PRKCQ: variants seen among roughly 807,000 people sequenced by gnomAD.
PRKCQ encodes protein kinase C theta.
Under a neutral mutation model 91.2 loss-of-function variants are expected in PRKCQ, and 41 were observed. The observed-to-expected ratio is 0.45, with a 90% confidence interval of 0.35 to 0.58. PRKCQ has a LOEUF of 0.58. Among genes scored for constraint, PRKCQ ranks in the 20% least tolerant of loss-of-function variants. PRKCQ has a pLI of 0.00. For synonymous variants in PRKCQ, 307 were observed against 316.9 expected (o/e 0.97, Z 0.33); for missense variants, 673 against 896.5 (o/e 0.75, Z 3.18).
At chr10:6,549,212 A>G (rs1840088743) in intron 1 of PRKCQ, among the ~76,000 whole-genome samples, 1 of 152,186 alleles carries the variant, frequency 6.6e-6, no homozygotes, top group African/African-American at 2.4e-5. Flanking sequence ...GAGGAATCCA[A>G]GTGCCCTGGG....
At chr10:6,573,207 T>A (rs776163777) in intron 1 of PRKCQ, among the ~76,000 whole-genome samples, 8 of 152,192 alleles carry the variant, frequency 5.3e-5, no homozygotes, top group Non-Finnish European at 1.0e-4. Context: ...GTCTTGGAGT[T>A]TGAAAAACTG....
intron 1 of PRKCQ, among the ~76,000 whole-genome samples, chr10:6,520,110 C>T (rs903540167): frequency 1.3e-5 from 2 of 152,144 alleles, no homozygotes; most frequent in Admixed American, 6.5e-5. Context: ...GGGGCTAGGT[C>T]CCCCCATAGA....
At chr10:6,417,336 T>C in the PRKCQ span, among the ~76,000 whole-genome samples, 1 of 152,210 alleles carries the variant, frequency 6.6e-6, no homozygotes, top group Non-Finnish European at 1.5e-5. Flanking sequence ...GTGTCTTTGG[T>C]TGGACACCCA....
intron 15 of PRKCQ, among the ~76,000 whole-genome samples, 180 bp downstream of exon 15, chr10:6,456,494 G>T (rs191871504): frequency 1.3e-5 from 2 of 152,132 alleles, no homozygotes; most frequent in African/African-American, 4.8e-5. Flanking sequence ...TAAAAGTAGC[G>T]CTCCCCACAA....
intron 4 of PRKCQ, among the ~76,000 whole-genome samples, chr10:6,500,705 A>G (rs621685): frequency 0.64 from 96,476 of 151,782 alleles, 32,799 homozygotes; most frequent in Middle Eastern, 0.77. Flanking sequence ...GGTTTTTGCA[A>G]TTTTTTTTCT....
chr10:6,554,620 A>T (rs990883016), intron 1 of PRKCQ, among the ~76,000 whole-genome samples: 1 of 152,192 alleles, frequency 6.6e-6, no homozygotes, highest in Non-Finnish European at 1.5e-5. Context: ...CTTTACAGAA[A>T]ATGAAAATGG....
the PRKCQ span, among the ~76,000 whole-genome samples, chr10:6,410,976 CAA>C: frequency 2.0e-3 from 171 of 87,516 alleles, no homozygotes; most frequent in African/African-American, 6.0e-3. Context: ...GATTCCGTTT[CAA>C]AAAAAAAAAA....
intron 11 of PRKCQ, among the ~76,000 whole-genome samples, chr10:6,480,275 A>G (rs1836523038): frequency 1.3e-5 from 2 of 152,098 alleles, no homozygotes; most frequent in Non-Finnish European, 2.9e-5. Flanking sequence ...AGCTCATCAC[A>G]CTCTGCAAGA....
At chr10:6,477,833 A>C (rs1836354711) in intron 12 of PRKCQ, among the ~76,000 whole-genome samples, 1 of 152,214 alleles carries the variant, frequency 6.6e-6, no homozygotes, top group South Asian at 2.1e-4. Context: ...ACACCATTGC[A>C]CTCCAGCCTG....
chr10:6,439,235 C>T (rs1339284730), intron 16 of PRKCQ, among the ~76,000 whole-genome samples: 1 of 152,100 alleles, frequency 6.6e-6, no homozygotes, highest in Admixed American at 6.6e-5. Flanking sequence ...CCTGTATTCT[C>T]GATGGATCCT....
At chr10:6,500,761 C>G (rs1588339770) in intron 4 of PRKCQ, among the ~76,000 whole-genome samples, 4 of 152,024 alleles carry the variant, frequency 2.6e-5, no homozygotes. Context: ...TAACCTATCA[C>G]TTGTTTGTAG....
At chr10:6,414,900 A>G in the PRKCQ span, among the ~76,000 whole-genome samples, 26 of 152,282 alleles carry the variant, frequency 1.7e-4, no homozygotes, top group Admixed American at 8.5e-4. Context: ...GAGACAGAAA[A>G]TACATTTAAA....
intron 4 of PRKCQ, among the ~76,000 whole-genome samples, chr10:6,502,941 G>A (rs1247877075): frequency 6.6e-6 from 1 of 152,184 alleles, no homozygotes; most frequent in Non-Finnish European, 1.5e-5. Flanking sequence ...TGGTCAGAGA[G>A]GTCTGCTAAG....
Position 6,497,201 on chromosome 10 carries a change from C to G in PRKCQ, c.574+19G>C. 6.2e-7 allele frequency: 1 copy of G among 1,614,150 alleles called. No individual in the cohort carries two copies. The highest frequency in any genetic ancestry group is 8.5e-7 in the Non-Finnish European group (1 of 1,180,018). On this transcript the variant is annotated intron_variant, in intron 6 of 17. Coordinates refer to ENST00000263125, the MANE Select transcript of PRKCQ (RefSeq NM_006257.5). The surrounding 1 kb of genome is among the most constrained non-coding windows in gnomAD (Gnocchi z 4.5). ...AATAAAAAGAATGATGGTAATGCAA[C>G]CAAAACCCTCTTACTTACGTCGGCA...
At chr10:6,433,759 G>A (rs974081945) in intron 16 of PRKCQ, among the ~76,000 whole-genome samples, 1 of 152,064 alleles carries the variant, frequency 6.6e-6, no homozygotes, top group African/African-American at 2.4e-5. Flanking sequence ...GGCTGGGCAC[G>A]GTGGCTCATG....
the PRKCQ span, among the ~76,000 whole-genome samples, chr10:6,397,882 G>A: frequency 6.6e-6 from 1 of 152,098 alleles, no homozygotes; most frequent in Non-Finnish European, 1.5e-5. Context: ...CTGAGATCGT[G>A]CCATTGCACT....
intron 1 of PRKCQ, among the ~76,000 whole-genome samples, chr10:6,574,145 C>G (rs1485781815): frequency 6.6e-6 from 1 of 152,126 alleles, no homozygotes; most frequent in Non-Finnish European, 1.5e-5. Flanking sequence ...AGAGCAGACC[C>G]CTGGCTGTCT....
At chr10:6,513,767 C>A (rs567773630) in intron 2 of PRKCQ, among the ~76,000 whole-genome samples, 7 of 152,234 alleles carry the variant, frequency 4.6e-5, no homozygotes, top group African/African-American at 1.7e-4. Context: ...GTGGGGGATG[C>A]AAAATAGTAG....
At chr10:6,555,028 C>A (rs1840351600) in intron 1 of PRKCQ, among the ~76,000 whole-genome samples, 1 of 151,942 alleles carries the variant, frequency 6.6e-6, no homozygotes, top group South Asian at 2.1e-4. Context: ...AATGCAGGAA[C>A]AGATAATCAA....
Sources: allele counts gnomAD v4.1 joint callset (sites outside exome capture counted in the v4.1 genomes callset), GRCh38; gene constraint gnomAD v4.1.1; non-coding constraint Gnocchi (gnomAD v3.1); transcripts MANE v1.5; gene names NCBI Gene and HGNC (gene_info 2026-07-23, HGNC 2026-07-21).